The following PLEKHA6 variants were observed in gnomAD, a reference collection of about 807,000 sequenced individuals.
The protein encoded by PLEKHA6 is pleckstrin homology domain-containing family A member 6.
PLEKHA6 carries 60 observed loss-of-function variants against 116.7 expected under a neutral mutation model. The ratio of observed to expected loss-of-function variants is 0.51; its 90% confidence interval spans 0.42 to 0.64. The LOEUF (loss-of-function observed/expected upper bound fraction) is 0.64. Among genes scored for constraint, PLEKHA6 ranks in the 30% least tolerant of loss-of-function variants. The probability of loss-of-function intolerance (pLI) is 0.00; values close to 1 mark genes in which losing one functional copy is unlikely to be tolerated. For synonymous variants in PLEKHA6, 489 were observed against 556.1 expected (o/e 0.88, Z 1.70); for missense variants, 1,338 against 1,422.7 (o/e 0.94, Z 0.96).
intron 15 of PLEKHA6, chr1:204,243,175 C>T (rs942810474): frequency 4.3e-5 from 17 of 399,272 alleles, no homozygotes; most frequent in Non-Finnish European, 5.7e-5. Flanking sequence ...GGGCCAGAAG[C>T]GGCTCTCGCT....
chr1:204,240,591 T>C (rs1454032643), intron 17 of PLEKHA6, among the ~76,000 whole-genome samples: 1 of 152,224 alleles, frequency 6.6e-6, no homozygotes, highest in Non-Finnish European at 1.5e-5. Flanking sequence ...CTTTATGTAA[T>C]AGTATTTGGG....
In PLEKHA6 at chr1:204,309,718, G is replaced by T. The variant is rs1671588778; in HGVS notation, c.-94-34909C>A. ...GTACAAGATATGGTAAATGAAGATA[G>T]TATCAATTTAGTATGATGCTTCTTG... On this transcript the variant is annotated intron_variant, in intron 1 of 22. Coordinates refer to ENST00000272203, the MANE Select transcript of PLEKHA6 (RefSeq NM_014935.5). 5.5e-6 allele frequency: 5 copies of T among 909,328 alleles called. No individual in the cohort carries two copies. In the South Asian group the frequency reaches 2.0e-4, roughly 37 times the overall value. 56.3% of individuals were successfully genotyped at this position (909,328 alleles called of 1,614,324 possible). A position where few individuals can be genotyped will look rare whatever the true frequency, so the allele number is the denominator to read the frequency against.
At chr1:204,318,088 G>A (rs2103209753) in intron 1 of PLEKHA6, among the ~76,000 whole-genome samples, 1 of 152,348 alleles carries the variant, frequency 6.6e-6, no homozygotes, top group South Asian at 2.1e-4. Flanking sequence ...CTTCTGTAGG[G>A]TGGGGAAAAA....
At chr1:204,252,889 C>T (rs1049104420) in intron 9 of PLEKHA6, among the ~76,000 whole-genome samples, 4 of 152,222 alleles carry the variant, frequency 2.6e-5, no homozygotes, top group African/African-American at 9.6e-5. Context: ...CTGTAGGTAT[C>T]TCATTCCTTC....
At chr1:204,227,091 C>T (rs1237281009) in intron 21 of PLEKHA6, among the ~76,000 whole-genome samples, 1 of 152,188 alleles carries the variant, frequency 6.6e-6, no homozygotes, top group East Asian at 1.9e-4. Context: ...TCCTCAATCA[C>T]CAACATGAAA....
intron 1 of PLEKHA6, among the ~76,000 whole-genome samples, chr1:204,326,499 A>G (rs1558182995): frequency 6.6e-6 from 1 of 152,186 alleles, no homozygotes; most frequent in Non-Finnish European, 1.5e-5. Context: ...GCCCCAGTCC[A>G]TGCCACCTCC....
At position 204,257,549 on chromosome 1, in the gene PLEKHA6, G is replaced by T; in HGVS notation, c.1328C>A (p.Ser443Tyr). Residue 443 changes from serine (S) to tyrosine (Y), a missense_variant, in exon 9 of 23, where the codon TCC (serine) becomes TAC (tyrosine). Ser to Tyr is a moderately radical substitution (Grantham distance 144). This residue lies in a region of PLEKHA6 where 1,136 missense variants were observed against 1,163.6 expected (regional missense o/e 0.98). Coordinates refer to ENST00000272203, the MANE Select transcript of PLEKHA6 (RefSeq NM_014935.5). This position sits in a 1 kb window ranked among gnomAD's most constrained non-coding sequence, Gnocchi z 6.5. ...YYDELDAASS[S>Y]LRRLSLQPRS... is the part of the protein sequence containing the mutation. The stretch of plus-strand genomic sequence containing the variant: ...GGGCTGCAGGGACAGGCGGCGCAGG[G>T]AGCTAGAGGCGGCATCCAGCTCATC... 1.3e-6 allele frequency: 2 copies of T among 1,598,340 alleles called. No homozygotes were observed.
At chr1:204,292,846 A>G (rs1049061719) in intron 1 of PLEKHA6, among the ~76,000 whole-genome samples, 12 of 152,214 alleles carry the variant, frequency 7.9e-5, no homozygotes, top group African/African-American at 2.9e-4. Context: ...GGGAATAAAA[A>G]ACAACCAAAT....
In PLEKHA6 at chr1:204,257,525, G is replaced by A. The variant is rs1482513668; in HGVS notation, c.1352C>T (p.Pro451Leu). ...TGAGCGGGGCACAGAGTGGGAGCGG[G>A]GCTGCAGGGACAGGCGGCGCAGGGA... ...SSSLRRLSLQ[P>L]RSHSVPRSPS... Residue 451 changes from proline (P) to leucine (L), a missense_variant, in exon 9 of 23, where the codon CCC (proline) becomes CTC (leucine). This residue lies in a region of PLEKHA6 where 1,136 missense variants were observed against 1,163.6 expected (regional missense o/e 0.98). Transcript: ENST00000272203. This position sits in a 1 kb window ranked among gnomAD's most constrained non-coding sequence, Gnocchi z 6.5. 1.3e-6 allele frequency: 2 copies of A among 1,593,578 alleles called. No homozygotes were observed. The highest frequency in any genetic ancestry group is 2.7e-5 in the African/African-American group (2 of 74,692).
intron 1 of PLEKHA6, among the ~76,000 whole-genome samples, chr1:204,336,563 CGTGT>C (rs10538125): frequency 1.2e-3 from 172 of 148,938 alleles, no homozygotes; most frequent in Non-Finnish European, 1.7e-3. Flanking sequence ...GGTGTGTGAG[CGTGT>C]GTGTGTGTGT....
intron 9 of PLEKHA6, among the ~76,000 whole-genome samples, chr1:204,250,865 G>A (rs907472477): frequency 1.3e-5 from 2 of 152,194 alleles, no homozygotes; most frequent in Non-Finnish European, 2.9e-5. Context: ...GTCATGCTCT[G>A]TATTTCCTCT....
chr1:204,224,699 A>G (rs1188213789), intron 21 of PLEKHA6, among the ~76,000 whole-genome samples: 1 of 152,204 alleles, frequency 6.6e-6, no homozygotes, highest in African/African-American at 2.4e-5. Context: ...CACTCATCGC[A>G]CACAGCTCAC....
At position 204,261,357 on chromosome 1, in the gene PLEKHA6, C is replaced by T. The variant is rs184213331; in HGVS notation, c.473G>A (p.Arg158Gln). 1.2e-5 allele frequency: 19 copies of T among 1,614,198 alleles called. No homozygotes were observed. The African/African-American group carries it at 1.3e-4, about 11-fold the overall frequency. Residue 158 changes from arginine to glutamine, a missense_variant, in exon 7 of 23, where the codon CGA becomes CAA. This residue lies in a region of PLEKHA6 where 140 missense variants were observed against 197.4 expected (regional missense o/e 0.71). Coordinates refer to ENST00000272203, the MANE Select transcript of PLEKHA6 (RefSeq NM_014935.5). The surrounding 1 kb of genome is among the most constrained non-coding windows in gnomAD (Gnocchi z 4.0). ...AWIQAMGEAA[R>Q]VQIPPAQKSV... ...CTTCTGGGCTGGAGGGATCTGTACT[C>T]GAGCAGCCTCCCCCATGGCCTGGAT...
At chr1:204,313,843 T>A (rs1558175428) in intron 1 of PLEKHA6, 1 of 263,722 alleles carries the variant, frequency 3.8e-6, no homozygotes. Flanking sequence ...TCCCCGGGGA[T>A]CCTCTTACAG....
Position 204,228,008 on chromosome 1 carries a change from A to C in PLEKHA6, c.3031+75T>G. 1 of 1,455,772 alleles carries C rather than the reference A, an allele frequency of 6.9e-7. No individual in the cohort carries two copies. Among genetic ancestry groups the C allele is most frequent in the Non-Finnish European group, 9.3e-7 (1 of 1,070,186 alleles). The allele number at this position is 1,455,772 out of a possible 1,614,324, so 90.2% of individuals were successfully genotyped here. ...TCTTTGCTACTGCCCCCCTTGTAGC[A>C]GTGCCACGCTTCCTCCCTTAAACCT... On this transcript the variant is annotated intron_variant, in intron 21 of 22. Coordinates refer to ENST00000272203, the MANE Select transcript of PLEKHA6 (RefSeq NM_014935.5). The surrounding 1 kb of genome is among the most constrained non-coding windows in gnomAD (Gnocchi z 4.0).
chr1:204,358,488 G>A (rs969998393), intron 1 of PLEKHA6, among the ~76,000 whole-genome samples: 1 of 152,174 alleles, frequency 6.6e-6, no homozygotes, highest in African/African-American at 2.4e-5. Flanking sequence ...CAGGATTTGG[G>A]AGATTTGTAG....
chr1:204,323,715 G>A (rs1672145418), intron 1 of PLEKHA6, among the ~76,000 whole-genome samples: 1 of 152,336 alleles, frequency 6.6e-6, no homozygotes, highest in East Asian at 1.9e-4. Context: ...AAATGGCAGA[G>A]GGTGTAAGCT....
intron 1 of PLEKHA6, among the ~76,000 whole-genome samples, chr1:204,340,306 C>T (rs1484348441): frequency 6.6e-6 from 1 of 152,206 alleles, no homozygotes; most frequent in East Asian, 1.9e-4. Flanking sequence ...ACAAAAGCCA[C>T]CCATTATCCC....
rs773818147 is a variant in PLEKHA6 at position 204,223,569 on chromosome 1, T to C, written c.3048A>G (p.Pro1016=). The change falls in exon 22 of 23, where the codon CCA becomes CCG. Residue 1016 remains proline, a synonymous_variant. Transcript: ENST00000272203. The surrounding 1 kb of genome is among the most constrained non-coding windows in gnomAD (Gnocchi z 4.8). The part of the protein sequence containing the change: ...GRMLSVQCAT[P]SPPTSPASPA... Reference sequence around the variant, plus strand: ...GGGAAGCAGGGGAGGTGGGAGGGCTTGGGGTGGCACATTGCACTGGAAACA... The same window carrying C: ...GGGAAGCAGGGGAGGTGGGAGGGCTCGGGGTGGCACATTGCACTGGAAACA... The C allele has an allele frequency of 1.7e-6, 2 of 1,160,184 alleles. No individual in the cohort carries two copies. Among genetic ancestry groups the C allele is most frequent in the Admixed American group, 6.6e-5 (2 of 30,532 alleles). The allele number at this position is 1,160,184 out of a possible 1,614,324, so 71.9% of individuals were successfully genotyped here. A position where few individuals can be genotyped will look rare whatever the true frequency, so the allele number is the denominator to read the frequency against.
Sources: allele counts gnomAD v4.1 joint callset (sites outside exome capture counted in the v4.1 genomes callset), GRCh38; gene constraint gnomAD v4.1.1; regional missense constraint gnomAD v4.1.1; non-coding constraint Gnocchi (gnomAD v3.1); transcripts MANE v1.5; gene names NCBI Gene and HGNC (gene_info 2026-07-23, HGNC 2026-07-21).